AGRN: variants seen among roughly 807,000 people sequenced by gnomAD.
AGRN encodes the protein agrin proteoglycan.
Under a neutral mutation model 211.0 loss-of-function variants are expected in AGRN, and 106 were observed. The observed-to-expected ratio is 0.50, with a 90% CI of 0.43 to 0.59. The LOEUF (loss-of-function observed/expected upper bound fraction) is 0.59, where lower values mean the gene tolerates loss of function less well. AGRN is among the 20% of genes least tolerant of loss of function. The pLI is 0.00. For synonymous variants in AGRN, 1,525 were observed against 1,332.5 expected, an observed-to-expected ratio of 1.14 and a Z score of -3.15; for missense variants, 3,040 against 2,982.6, an observed-to-expected ratio of 1.02 and a Z score of -0.45.
At chr1:1,054,067 G>T in intron 34 of AGRN, 90 bp downstream of exon 34, 1 of 1,402,466 alleles carries the variant, frequency 7.1e-7, no homozygotes, top group African/African-American at 1.4e-5. Flanking sequence ...GTGACCAGGG[G>T]TCAGGGAGGA....
At position 1,041,238 on chromosome 1, in the gene AGRN, G is replaced by C; in HGVS notation, c.793G>C (p.Gly265Arg). 1 of 1,488,308 alleles carries C rather than the reference G, an allele frequency of 6.7e-7. No homozygotes were observed. Among genetic ancestry groups the C allele is most frequent in the Non-Finnish European group, 8.9e-7 (1 of 1,125,496 alleles). The allele number at this position is 1,488,308 out of a possible 1,614,324, so 92.2% of individuals were successfully genotyped here. Residue 265 changes from glycine to arginine, a missense_variant, in exon 5 of 36, where the codon GGG becomes CGG. Gly to Arg is a moderately radical substitution (Grantham distance 125). Around this residue, in one of 3 missense-constraint regions of AGRN, gnomAD observed 1,498 missense variants for 1,457.8 expected, o/e 1.03. Coordinates refer to ENST00000379370, the MANE Select transcript of AGRN (RefSeq NM_198576.4). ...CAGCACCTGTGCGCGCTCGGCCGACGGGCTGACGGCCTCGTGCCTGTGCCC... is the reference window on the plus strand; with the variant it reads ...CAGCACCTGTGCGCGCTCGGCCGACCGGCTGACGGCCTCGTGCCTGTGCCC... ...FGSTCARSAD[G>R]LTASCLCPAT...
chr1:1,050,484 C>T lies in AGRN; in HGVS notation c.5034C>T (p.Leu1678=). Residue 1678 remains leucine (L), a synonymous_variant, in exon 29 of 36, where the codon CTC becomes CTT. Coordinates refer to ENST00000379370, the MANE Select transcript of AGRN (RefSeq NM_198576.4). ...CACGAGGCCCCAGCGGCCTCCTGCT[C>T]TACAACGGGCAGAAGACGGACGGCA... ...FLARGPSGLL[L]YNGQKTDGKG... is the part of the protein sequence containing the mutation. 6.2e-7 allele frequency: 1 copy of T among 1,612,910 alleles called. No individual in the cohort carries two copies. The highest frequency in any genetic ancestry group is 8.5e-7 in the Non-Finnish European group (1 of 1,179,900).
In AGRN at chr1:1,022,084, A is replaced by G. The variant is rs556933740; in HGVS notation, c.202-117A>G. The stretch of plus-strand genomic sequence containing the variant: ...AGCGGGCTGACTCAGAGGTCTCCCC[A>G]CATCTCTGCCCAGGGCTTGAGTCTA... On this transcript the variant is annotated intron_variant, in intron 1 of 35. Coordinates refer to ENST00000379370, the MANE Select transcript of AGRN (RefSeq NM_198576.4). 74 of 1,351,414 alleles carry G rather than the reference A, an allele frequency of 5.5e-5. No individual in the cohort carries two copies. The African/African-American group carries it at 9.5e-4, about 17-fold the overall frequency. The allele number at this position is 1,351,414 out of a possible 1,614,324, so 83.7% of individuals were successfully genotyped here.
chr1:1,047,804 C>A lies in AGRN; in HGVS notation c.3660C>A (p.Ala1220=). ...CAGCCTTCAGGGCACCCGACGTGGC[C>A]CGGGCCCTGCTCCGGCAGATCCAGG... The part of the protein sequence containing the change: ...PTTAFRAPDV[A]RALLRQIQVS... The change falls in exon 22 of 36, where the codon GCC becomes GCA. Residue 1220 remains alanine (A), a synonymous_variant. Transcript: ENST00000379370. 1 of 1,604,054 alleles carries A rather than the reference C, an allele frequency of 6.2e-7. No homozygotes were observed. Among genetic ancestry groups the A allele is most frequent in the Non-Finnish European group, 8.5e-7 (1 of 1,175,932 alleles).
At chr1:1,045,032 G>A (rs1645051392) in intron 12 of AGRN, 129 bp from the exon 13 acceptor site, 4 of 988,964 alleles carry the variant, frequency 4.0e-6, no homozygotes, top group East Asian at 4.9e-5. Context: ...CCAGGCTCCC[G>A]GGCTCCTCTG....
intron 3 of AGRN, among the ~76,000 whole-genome samples, chr1:1,036,109 A>G (rs1644799919): frequency 6.6e-6 from 1 of 152,102 alleles, no homozygotes; most frequent in Non-Finnish European, 1.5e-5. Context: ...TTGTGTGTGC[A>G]GGGCTGTCTG....
At chr1:1,040,523 C>A in intron 3 of AGRN, 142 bp from the exon 4 acceptor site, 2 of 1,000,152 alleles carry the variant, frequency 2.0e-6, no homozygotes, top group Non-Finnish European at 3.0e-6. Flanking sequence ...CGCACGCACG[C>A]GTGTCCGTGT....
intron 1 of AGRN, 75 bp from the exon 2 acceptor site, chr1:1,022,126 T>G: frequency 6.3e-7 from 1 of 1,586,556 alleles, no homozygotes. Flanking sequence ...ACATTTGCCC[T>G]AAACACCTAA....
intron 2 of AGRN, 36 bp from the exon 3 acceptor site, chr1:1,035,227 GGGAGGAGCCTGCTC>G (rs1310158233): frequency 1.2e-6 from 2 of 1,605,182 alleles, no homozygotes. Flanking sequence ...GGATGGGACA[GGGAGGAGCCTGCTC>G]AGAGGAGCCT....
intron 1 of AGRN, among the ~76,000 whole-genome samples, 177 bp from the exon 2 acceptor site, chr1:1,022,024 T>C (rs111772410): frequency 3.3e-5 from 5 of 152,340 alleles, no homozygotes; most frequent in African/African-American, 1.2e-4. Context: ...GCATGGGCTG[T>C]GGTGGCCAGT....
rs1362676470 is a variant in AGRN at position 1,043,819 on chromosome 1, G to T, written c.1799-4G>T. On this transcript the variant is annotated splice_region_variant and splice_polypyrimidine_tract_variant and intron_variant, in intron 9 of 35. Transcript: ENST00000379370. Reference sequence around the variant, plus strand: ...CGACCCCTGCCTGGCTCTGTCTCCTGCAGAGACCTGTGGAGATGCCGTGTG... The same window carrying T: ...CGACCCCTGCCTGGCTCTGTCTCCTTCAGAGACCTGTGGAGATGCCGTGTG... 2 of 1,610,504 alleles carry T rather than the reference G, an allele frequency of 1.2e-6. No homozygotes were observed. Among genetic ancestry groups the T allele is most frequent in the South Asian group, 1.1e-5 (1 of 91,084 alleles).
Position 1,046,192 on chromosome 1 carries a change from C to T in AGRN, c.2838C>T (p.Asn946=), listed in dbSNP as rs760701064. The change falls in exon 17 of 36, where the codon AAC becomes AAT. Residue 946 remains asparagine (N), a synonymous_variant. Transcript: ENST00000379370. ...GGTCAGATGGAGTCACATACGGCAA[C>T]GAGTGTCAGCTGAAGACCATCGCCT... ...VCGSDGVTYG[N]ECQLKTIACR... 7 of 1,613,798 alleles carry T rather than the reference C, an allele frequency of 4.3e-6. No homozygotes were observed. Among genetic ancestry groups the T allele is most frequent in the Non-Finnish European group, 5.9e-6 (7 of 1,179,994 alleles).
rs1259553685 is a variant in AGRN at position 1,043,355 on chromosome 1, G to A, written c.1501G>A (p.Val501Met). The A allele has an allele frequency of 1.9e-6, 3 of 1,610,668 alleles. No homozygotes were observed. The South Asian group carries it at 3.3e-5, about 18-fold the overall frequency. The change falls in exon 8 of 36, where the codon GTG becomes ATG. Residue 501 changes from valine to methionine, a missense_variant. By Grantham distance (21) the Val-to-Met change is conservative. This residue lies in a region of AGRN where 1,498 missense variants were observed against 1,457.8 expected (regional missense o/e 1.03). Transcript: ENST00000379370. ...GGCGTGCTCGAGCCTCTACGATCCT[G>A]TGTGCGGCAGCGACGGCGTCACATA... ...LQACSSLYDP[V>M]CGSDGVTYGS...
intron 2 of AGRN, among the ~76,000 whole-genome samples, chr1:1,026,869 T>C (rs1644531711): frequency 6.6e-6 from 1 of 152,184 alleles, no homozygotes; most frequent in African/African-American, 2.4e-5. Flanking sequence ...TCTGTACCCC[T>C]GCACCTCCTG....
chr1:1,055,515 C>T lies in AGRN; in HGVS notation c.*534C>T, dbSNP rs531805883. On this transcript the variant is annotated 3_prime_UTR_variant, in exon 36 of 36. Transcript: ENST00000379370. ...CTGCGTTGCTCCCGTGCTGCCTGCG[C>T]CAGCCCCAGGCTGCTGAGGAGCAGA... 9.3e-6 allele frequency: 2 copies of T among 213,914 alleles called. No homozygotes were observed. The highest frequency in any genetic ancestry group is 7.5e-5 in the South Asian group (1 of 13,374). 13.3% of individuals were successfully genotyped at this position (213,914 alleles called of 1,614,324 possible). A position where few individuals can be genotyped will look rare whatever the true frequency, so the allele number is the denominator to read the frequency against.
At chr1:1,036,188 TG>T (rs1486200830) in intron 3 of AGRN, among the ~76,000 whole-genome samples, 1 of 152,100 alleles carries the variant, frequency 6.6e-6, no homozygotes, top group Non-Finnish European at 1.5e-5. Flanking sequence ...AATCCTGAAG[TG>T]ATCTGAAGAC....
chr1:1,052,126 G>A, intron 33 of AGRN: 1 of 1,298,154 alleles, frequency 7.7e-7, no homozygotes, highest in South Asian at 1.3e-5. Flanking sequence ...TTGTGGCGGA[G>A]GATGGGGGTC....
Position 1,041,679 on chromosome 1 carries a change from G to T in AGRN, c.1154G>T (p.Arg385Leu), listed in dbSNP as rs750287607. The T allele has an allele frequency of 6.2e-7, 1 of 1,608,104 alleles. No individual in the cohort carries two copies. The highest frequency in any genetic ancestry group is 1.1e-5 in the South Asian group (1 of 90,878). The change falls in exon 6 of 36, where the codon CGC becomes CTC. Residue 385 changes from arginine (R) to leucine (L), a missense_variant. Physicochemically the swap from Arg to Leu is moderately radical, Grantham distance 102. Coordinates refer to ENST00000379370, the MANE Select transcript of AGRN (RefSeq NM_198576.4). ...AARGLLLQKV[R>L]SGQCQGRDQC... ...CGGGGTCTCCTCCTGCAGAAAGTGC[G>T]CTCCGGCCAGTGCCAGGGTCGAGGT...
rs751301262 is a variant in AGRN, at chr1:1,050,753, C to A, written c.5169C>A (p.Ala1723=). ...GCAGGGAGCCAGTCACCCTGGGAGC[C>A]TGGACCAGGGTCTCACTGGAGCGAA... is the stretch of plus-strand genomic sequence containing the variant. ...IRSREPVTLG[A]WTRVSLERNG... The change falls in exon 30 of 36, where the codon GCC becomes GCA. Residue 1723 remains alanine, a synonymous_variant. Transcript: ENST00000379370. The A allele has an allele frequency of 6.0e-5, 96 of 1,603,630 alleles. No homozygotes were observed. The highest frequency in any genetic ancestry group is 7.6e-5 in the Non-Finnish European group (90 of 1,177,680).
Sources: allele counts gnomAD v4.1 joint callset (sites outside exome capture counted in the v4.1 genomes callset), GRCh38; gene constraint gnomAD v4.1.1; regional missense constraint gnomAD v4.1.1; transcripts MANE v1.5; gene names NCBI Gene and HGNC (gene_info 2026-07-23, HGNC 2026-07-21).